The following ARL15 variants were observed in gnomAD, a reference collection of about 807,000 sequenced individuals.
ARL15 encodes the protein ARF like GTPase 15.
Under a neutral mutation model 25.2 loss-of-function variants are expected in ARL15, and 19 were observed. That is an observed-to-expected ratio of 0.75 (90% CI 0.53 to 1.10). The LOEUF (loss-of-function observed/expected upper bound fraction) is 1.10, where lower values mean the gene tolerates loss of function less well. Ranked by LOEUF, ARL15 falls within the 50% of genes least tolerant of loss-of-function variation. ARL15 has a pLI of 0.00. For missense variants in ARL15, 220 were observed against 246.0 expected, an observed-to-expected ratio of 0.89 and a Z score of 0.71; for synonymous variants, 94 against 86.8, an observed-to-expected ratio of 1.08 and a Z score of -0.46.
chr5:53,947,221 T>TGTGTGTGTGTGTG (rs57259252), intron 4 of ARL15, among the ~76,000 whole-genome samples: 8 of 114,800 alleles, frequency 7.0e-5, no homozygotes, highest in African/African-American at 1.0e-4. Context: ...TGTGTGTGTG[T>TGTGTGTGTGTGTG]TGAGGGCTGG....
intron 3 of ARL15, among the ~76,000 whole-genome samples, chr5:54,134,687 C>A (rs1487860127): frequency 7.0e-6 from 1 of 141,902 alleles, no homozygotes; most frequent in African/African-American, 2.6e-5. Context: ...CGGGTTCAAG[C>A]GATTCTCCTG....
Position 53,907,489 on chromosome 5 carries a change from T to TATATATATATA in ARL15, c.463-20777_463-20776insTATATATATAT, listed in dbSNP as rs1554025337. Among the ~76,000 whole-genome samples the TATATATATATA allele has an allele frequency of 3.3e-3, 55 of 16,900 alleles. 2 individuals are homozygous for TATATATATATA. The highest frequency in any genetic ancestry group is 4.4e-3 in the Non-Finnish European group (45 of 10,316). 11.1% of individuals were successfully genotyped at this position (16,900 alleles called of 152,430 possible). A position where few individuals can be genotyped will look rare whatever the true frequency, so the allele number is the denominator to read the frequency against. On this transcript the variant is annotated intron_variant, in intron 4 of 4. Coordinates refer to ENST00000504924, the MANE Select transcript of ARL15 (RefSeq NM_019087.3). ...ATATATATATATATATATATATATA[T>TATATATATATA]TTTTTTTTTTTTTTTTTTTTTTTTT...
chr5:54,301,059 T>C (rs904007767), intron 1 of ARL15, among the ~76,000 whole-genome samples: 1 of 152,238 alleles, frequency 6.6e-6, no homozygotes, highest in Admixed American at 6.5e-5. Context: ...AGCTTTAATG[T>C]TGCAGATGTT....
intron 4 of ARL15, among the ~76,000 whole-genome samples, chr5:54,011,579 C>T (rs74777544): frequency 0.012 from 1,839 of 152,132 alleles, 42 homozygotes; most frequent in African/African-American, 0.042. Context: ...TAACTTCTTT[C>T]CCAGAACATT....
chr5:54,094,960 T>C (rs1752240581), intron 4 of ARL15, among the ~76,000 whole-genome samples: 1 of 152,220 alleles, frequency 6.6e-6, no homozygotes, highest in Non-Finnish European at 1.5e-5. Context: ...ACTTCTGACA[T>C]AGAGATGTGG....
At chr5:54,144,076 G>A (rs918748987) in intron 3 of ARL15, among the ~76,000 whole-genome samples, 3 of 151,886 alleles carry the variant, frequency 2.0e-5, no homozygotes, top group African/African-American at 7.2e-5. Flanking sequence ...GTGCATGCAT[G>A]TGTGTGTGTA....
chr5:54,121,867 C>G (rs1753087272), intron 3 of ARL15, among the ~76,000 whole-genome samples: 1 of 152,102 alleles, frequency 6.6e-6, no homozygotes. Flanking sequence ...GATTAAATAA[C>G]TTTTTTCACA....
chr5:54,173,055 C>G (rs567415114), intron 1 of ARL15, among the ~76,000 whole-genome samples: 1 of 151,982 alleles, frequency 6.6e-6, no homozygotes, highest in African/African-American at 2.4e-5. Context: ...TGGTGGCAGG[C>G]ACCTGTAATT....
chr5:54,189,822 T>C (rs924672069), intron 1 of ARL15, among the ~76,000 whole-genome samples: 6 of 152,140 alleles, frequency 3.9e-5, no homozygotes, highest in African/African-American at 1.4e-4. Context: ...CAAATTGAAC[T>C]TTATCAAAAC....
chr5:53,961,722 T>C (rs559323644), intron 4 of ARL15, among the ~76,000 whole-genome samples: 1 of 152,284 alleles, frequency 6.6e-6, no homozygotes, highest in South Asian at 2.1e-4. Context: ...AAATTAATTA[T>C]TCTTACTTGT....
At chr5:54,225,872 T>C (rs1308428615) in intron 1 of ARL15, among the ~76,000 whole-genome samples, 1 of 151,986 alleles carries the variant, frequency 6.6e-6, no homozygotes, top group African/African-American at 2.4e-5. Flanking sequence ...TACCTTCTCA[T>C]TGAAAAAGGA....
intron 1 of ARL15, among the ~76,000 whole-genome samples, chr5:54,239,172 T>C (rs1425129524): frequency 6.6e-6 from 1 of 151,612 alleles, no homozygotes; most frequent in African/African-American, 2.4e-5. Flanking sequence ...CAACTATTAA[T>C]AGATAGGAAA....
rs546126607 is a variant in ARL15, at chr5:53,938,677, T to A, written c.463-51964A>T. ...CCTGTCTCTACTAAAAATATAAAAA[T>A]TGGCCGGGTGTGGTGCCATGTGCCT... On this transcript the variant is annotated intron_variant, in intron 4 of 4. Transcript: ENST00000504924. 1.1e-4 allele frequency among the ~76,000 whole-genome samples: 17 copies of A among 152,176 alleles called. 1 individual carries two copies. In the East Asian group the frequency reaches 3.3e-3, roughly 30 times the overall value.
chr5:53,984,292 A>G (rs996262092), intron 4 of ARL15, among the ~76,000 whole-genome samples: 6 of 152,078 alleles, frequency 3.9e-5, no homozygotes, highest in African/African-American at 1.4e-4. Context: ...TGAGCTGCTC[A>G]TAGCTGAACA....
rs189247202 is a variant in ARL15, at chr5:53,942,358, G to A, written c.463-55645C>T. 1.1e-3 allele frequency among the ~76,000 whole-genome samples: 164 copies of A among 152,286 alleles called. No homozygotes were observed. The Middle Eastern group carries it at 0.017, about 16-fold the overall frequency. On this transcript the variant is annotated intron_variant, in intron 4 of 4. Coordinates refer to ENST00000504924, the MANE Select transcript of ARL15 (RefSeq NM_019087.3). ...CATACCAGTGGCACTAGAAGCTGTG[G>A]AAGCACAGGAATAATCTAGAAATCG... is the stretch of plus-strand genomic sequence containing the variant.
chr5:54,249,421 C>T (rs1313384941), intron 1 of ARL15, among the ~76,000 whole-genome samples: 1 of 150,710 alleles, frequency 6.6e-6, no homozygotes, highest in Admixed American at 6.6e-5. Context: ...CTTGAGTCAA[C>T]GAAGAAGGAA....
chr5:54,164,913 A>G (rs373633151), intron 2 of ARL15, among the ~76,000 whole-genome samples: 1 of 151,440 alleles, frequency 6.6e-6, no homozygotes, highest in Non-Finnish European at 1.5e-5. Flanking sequence ...CTTGTTTCCT[A>G]TTTGTTTCAT....
chr5:54,158,546 A>G (rs1038428435), intron 2 of ARL15, among the ~76,000 whole-genome samples: 9 of 152,230 alleles, frequency 5.9e-5, no homozygotes, highest in African/African-American at 2.2e-4. Context: ...CTGCTATAAC[A>G]ATCCTAAAGT....
At chr5:54,076,184 A>C (rs1013656761) in intron 4 of ARL15, among the ~76,000 whole-genome samples, 1 of 152,142 alleles carries the variant, frequency 6.6e-6, no homozygotes, top group African/African-American at 2.4e-5. Context: ...TGGGAGGCCA[A>C]GGCGGGTGGA....
Sources: gnomAD v4.1 joint callset for allele counts (sites outside exome capture counted in the v4.1 genomes callset) on GRCh38, gnomAD v4.1.1 for gene constraint, MANE v1.5 for transcripts, NCBI Gene and HGNC (gene_info 2026-07-23, HGNC 2026-07-21) for gene names.